Variants in COL25A1 observed in about 807,000 individuals in gnomAD.
COL25A1 encodes the protein collagen type XXV alpha 1 chain, also known as collagen alpha-1(XXV) chain.
Under a neutral mutation model 128.4 loss-of-function variants are expected in COL25A1, and 103 were observed. The observed-to-expected ratio is 0.80, with a 90% confidence interval of 0.68 to 0.94. The LOEUF is 0.94. COL25A1 is among the 40% of genes least tolerant of loss of function. COL25A1 has a pLI of 0.00. For missense variants in COL25A1, 745 were observed against 840.0 expected, an observed-to-expected ratio of 0.89 and a Z score of 1.40; for synonymous variants, 279 against 277.2, an observed-to-expected ratio of 1.01 and a Z score of -0.06.
rs770506208 is a variant in COL25A1 at position 108,889,220 on chromosome 4, C to A, written c.975+1G>T. 3.7e-6 allele frequency: 6 copies of A among 1,612,954 alleles called. No individual in the cohort carries two copies. The highest frequency in any genetic ancestry group is 3.4e-6 in the Non-Finnish European group (4 of 1,179,146). On this transcript the variant is annotated splice_donor_variant, in intron 18 of 37. Coordinates refer to ENST00000399132, the MANE Select transcript of COL25A1 (RefSeq NM_198721.4). LOFTEE classifies it high-confidence loss of function. Reference sequence around the variant, plus strand: ...GAACACACTAGAGATAGAGATATTACCTTTTGCCCTGGACGACCAGATTCC... The same window carrying A: ...GAACACACTAGAGATAGAGATATTAACTTTTGCCCTGGACGACCAGATTCC...
At chr4:109,280,660 G>GT (rs374389512) in intron 3 of COL25A1, among the ~76,000 whole-genome samples, 5,025 of 147,174 alleles carry the variant, frequency 0.034, 223 homozygotes, top group South Asian at 0.15. Context: ...GTTTTGTTTT[G>GT]TTTTTTTTTT....
At chr4:108,995,625 A>G (rs1359483807) in intron 6 of COL25A1, among the ~76,000 whole-genome samples, 2 of 152,192 alleles carry the variant, frequency 1.3e-5, no homozygotes, top group East Asian at 3.9e-4. Flanking sequence ...GAACACCACA[A>G]AGAAACTCCT....
intron 3 of COL25A1, among the ~76,000 whole-genome samples, chr4:109,060,656 G>T (rs1761880125): frequency 6.6e-6 from 1 of 151,296 alleles, no homozygotes; most frequent in African/African-American, 2.4e-5. Context: ...TCCACACGTT[G>T]GGTGCTCAGT....
intron 3 of COL25A1, among the ~76,000 whole-genome samples, chr4:109,204,870 C>G (rs1776854185): frequency 6.6e-6 from 1 of 152,170 alleles, no homozygotes; most frequent in Non-Finnish European, 1.5e-5. Flanking sequence ...TTTATCATTA[C>G]TCTGTCTTGC....
At chr4:109,123,037 C>T (rs564666071) in intron 3 of COL25A1, among the ~76,000 whole-genome samples, 3 of 152,130 alleles carry the variant, frequency 2.0e-5, no homozygotes, top group South Asian at 2.1e-4. Flanking sequence ...GTAACTATTG[C>T]GGACCCACAA....
At chr4:109,224,331 A>C (rs1407140024) in intron 3 of COL25A1, among the ~76,000 whole-genome samples, 1 of 152,192 alleles carries the variant, frequency 6.6e-6, no homozygotes, top group Non-Finnish European at 1.5e-5. Flanking sequence ...AGAACCCTTT[A>C]AGGCCTTGGA....
chr4:108,827,658 C>G (rs534051373), intron 32 of COL25A1, among the ~76,000 whole-genome samples: 2 of 152,014 alleles, frequency 1.3e-5, no homozygotes, highest in African/African-American at 2.4e-5. Flanking sequence ...TCCTGAGTAG[C>G]TGGGACTACA....
chr4:109,094,499 C>G (rs1054510208), intron 3 of COL25A1, among the ~76,000 whole-genome samples: 1 of 152,084 alleles, frequency 6.6e-6, no homozygotes, highest in Non-Finnish European at 1.5e-5. Context: ...AAAATGATTC[C>G]TCAAAGAGAA....
intron 32 of COL25A1, among the ~76,000 whole-genome samples, 159 bp downstream of exon 32, chr4:108,832,221 A>G (rs1161258443): frequency 1.3e-5 from 2 of 152,178 alleles, no homozygotes; most frequent in Non-Finnish European, 2.9e-5. Context: ...TTCTTCTCTC[A>G]ATATTAGGAC....
At chr4:109,107,281 T>A (rs1766532545) in intron 3 of COL25A1, among the ~76,000 whole-genome samples, 1 of 152,242 alleles carries the variant, frequency 6.6e-6, no homozygotes, top group East Asian at 1.9e-4. Context: ...AAAAATATAT[T>A]CTAGGTTTCT....
chr4:109,264,841 T>C (rs1220801653), intron 3 of COL25A1, among the ~76,000 whole-genome samples: 1 of 152,214 alleles, frequency 6.6e-6, no homozygotes, highest in Non-Finnish European at 1.5e-5. Context: ...AAGGACCATG[T>C]GGTTTTGACT....
At chr4:108,840,601 A>G (rs903194335) in intron 31 of COL25A1, among the ~76,000 whole-genome samples, 2 of 152,154 alleles carry the variant, frequency 1.3e-5, no homozygotes, top group Non-Finnish European at 2.9e-5. Flanking sequence ...TCCCCAGAGG[A>G]GACAGTGGCC....
At chr4:108,900,986 C>A in intron 14 of COL25A1, 133 bp downstream of exon 14, 1 of 620,662 alleles carries the variant, frequency 1.6e-6, no homozygotes, top group Non-Finnish European at 2.8e-6. Context: ...TATACTATAG[C>A]ATATTATACT....
chr4:108,841,830 T>TATG, intron 30 of COL25A1, 109 bp from the exon 31 acceptor site: 1 of 919,326 alleles, frequency 1.1e-6, no homozygotes, highest in Non-Finnish European at 1.7e-6. Flanking sequence ...ATCTTCTTGT[T>TATG]TGAGCTATAG....
chr4:108,942,912 C>T (rs1004886464), intron 8 of COL25A1, among the ~76,000 whole-genome samples: 2 of 151,732 alleles, frequency 1.3e-5, no homozygotes, highest in Non-Finnish European at 2.9e-5. Flanking sequence ...TGCACCACCA[C>T]GCCCAGCTAA....
At chr4:109,001,385 T>TCCTGTCAGGTAGGCATCTGAGAA (rs1755366303) in intron 6 of COL25A1, among the ~76,000 whole-genome samples, 1 of 152,184 alleles carries the variant, frequency 6.6e-6, no homozygotes, top group Non-Finnish European at 1.5e-5. Flanking sequence ...GCATCTGAGA[T>TCCTGTCAGGTAGGCATCTGAGAA]CCTGTCAGGT....
At chr4:108,883,243 G>T (rs1740352027) in intron 19 of COL25A1, among the ~76,000 whole-genome samples, 1 of 151,940 alleles carries the variant, frequency 6.6e-6, no homozygotes, top group African/African-American at 2.4e-5. Context: ...TGGCCAGGCT[G>T]GTTTCGAACT....
intron 3 of COL25A1, among the ~76,000 whole-genome samples, chr4:109,175,015 A>C (rs571032678): frequency 6.6e-6 from 1 of 152,230 alleles, no homozygotes; most frequent in Admixed American, 6.5e-5. Flanking sequence ...TCCTTATAAG[A>C]ACCTAACTAA....
chr4:109,223,667 T>C (rs76824906), intron 3 of COL25A1, among the ~76,000 whole-genome samples: 340 of 151,846 alleles, frequency 2.2e-3, no homozygotes, highest in Non-Finnish European at 3.7e-3. Flanking sequence ...AGCTTCTTAG[T>C]AGAGTCAGAA....
Sources: gnomAD v4.1 joint callset for allele counts (sites outside exome capture counted in the v4.1 genomes callset) on GRCh38, gnomAD v4.1.1 for gene constraint, MANE v1.5 for transcripts, NCBI Gene and HGNC (gene_info 2026-07-23, HGNC 2026-07-21) for gene names.